Variants in TJP2 observed in about 807,000 individuals in gnomAD.
The protein encoded by TJP2 is Friedreich ataxia region gene X104 (tight junction protein ZO-2).
A neutral mutation model predicts 133.1 loss-of-function variants in TJP2; 91 were observed. The ratio of observed to expected loss-of-function variants is 0.68; its 90% CI spans 0.58 to 0.81. The LOEUF is 0.81. Among genes scored for constraint, TJP2 ranks in the 40% least tolerant of loss-of-function variants. The pLI is 0.00. For missense variants in TJP2, 1,541 were observed against 1,565.6 expected (o/e 0.98, Z 0.26); for synonymous variants, 592 against 583.4 (o/e 1.01, Z -0.21).
intron 1 of TJP2, among the ~76,000 whole-genome samples, chr9:69,141,086 G>A (rs1365342138): frequency 1.3e-5 from 2 of 152,048 alleles, no homozygotes; most frequent in African/African-American, 2.4e-5. Context: ...CCTGACCTCA[G>A]GTGATCCACC....
At chr9:69,223,006 G>A (rs547673425) in intron 5 of TJP2, among the ~76,000 whole-genome samples, 12 of 137,154 alleles carry the variant, frequency 8.7e-5, no homozygotes, top group Admixed American at 6.9e-4. Context: ...AGGGGCAGAG[G>A]TTGCAGTAGC....
intron 1 of TJP2, among the ~76,000 whole-genome samples, chr9:69,176,954 T>G (rs981385673): frequency 2.0e-5 from 3 of 151,432 alleles, no homozygotes; most frequent in African/African-American, 4.9e-5. Context: ...GGGAGAGGCA[T>G]GAAGTTTGGG....
At chr9:69,132,988 G>A (rs148472660) in intron 1 of TJP2, among the ~76,000 whole-genome samples, 1 of 151,892 alleles carries the variant, frequency 6.6e-6, no homozygotes, top group East Asian at 1.9e-4. Flanking sequence ...TTAAGATAGG[G>A]TCTCACTGTG....
intron 2 of TJP2, among the ~76,000 whole-genome samples, chr9:69,215,514 A>G (rs1230559407): frequency 2.0e-5 from 3 of 151,848 alleles, no homozygotes; most frequent in Admixed American, 1.3e-4. Context: ...CCTCCCAAGT[A>G]TCTGGGACTA....
intron 11 of TJP2, among the ~76,000 whole-genome samples, chr9:69,231,378 G>A (rs1166647253): frequency 1.3e-5 from 2 of 152,126 alleles, no homozygotes; most frequent in Non-Finnish European, 2.9e-5. Context: ...GATTACAGGC[G>A]TGAGCCACTG....
intron 1 of TJP2, among the ~76,000 whole-genome samples, chr9:69,140,147 C>A (rs971009876): frequency 6.6e-6 from 1 of 152,024 alleles, no homozygotes; most frequent in African/African-American, 2.4e-5. Flanking sequence ...ATAGGAACAC[C>A]AAACCCAGTC....
intron 11 of TJP2, among the ~76,000 whole-genome samples, chr9:69,233,511 G>A (rs890472937): frequency 3.3e-5 from 5 of 152,170 alleles, no homozygotes; most frequent in East Asian, 1.9e-4. Flanking sequence ...GGTGGCTCAC[G>A]CATGTAATCC....
In TJP2 at chr9:69,220,883, A is replaced by G. The variant is rs779815648; in HGVS notation, c.343-4A>G. 4.3e-6 allele frequency: 7 copies of G among 1,612,188 alleles called. No individual in the cohort carries two copies. The highest frequency in any genetic ancestry group is 5.9e-6 in the Non-Finnish European group (7 of 1,179,948). On this transcript the variant is annotated splice_region_variant and splice_polypyrimidine_tract_variant and intron_variant, in intron 4 of 22. Transcript: ENST00000377245. ...CGTCCACACTGAGTTTGTTTTGACA[A>G]CAGGTGGTCAAGAGGCCCCGGAAGG...
At chr9:69,144,889 C>T (rs1225106416) in intron 1 of TJP2, among the ~76,000 whole-genome samples, 3 of 151,966 alleles carry the variant, frequency 2.0e-5, no homozygotes, top group Non-Finnish European at 4.4e-5. Flanking sequence ...GTATGTGGAT[C>T]ATGTGTACCA....
chr9:69,251,988 ATTTTG>A (rs543953689), intron 21 of TJP2, among the ~76,000 whole-genome samples: 4 of 151,642 alleles, frequency 2.6e-5, no homozygotes, highest in African/African-American at 9.7e-5. Context: ...TCTTTTATTT[ATTTTG>A]TTTTGTTTTG....
chr9:69,225,177 A>G, intron 5 of TJP2, 127 bp from the exon 6 acceptor site: 6 of 668,990 alleles, frequency 9.0e-6, no homozygotes, highest in South Asian at 8.2e-5. Flanking sequence ...CAGGCCAGTC[A>G]TCTTACAGAA....
At chr9:69,188,695 A>G (rs1826014615) in intron 1 of TJP2, among the ~76,000 whole-genome samples, 1 of 152,198 alleles carries the variant, frequency 6.6e-6, no homozygotes, top group South Asian at 2.1e-4. Flanking sequence ...GTTGCCTCTA[A>G]GACACAGCCT....
intron 2 of TJP2, among the ~76,000 whole-genome samples, chr9:69,158,801 G>T (rs915173069): frequency 6.6e-6 from 1 of 152,110 alleles, no homozygotes; most frequent in African/African-American, 2.4e-5. Context: ...TTGAGATGAA[G>T]AATTTGCTTC....
intron 1 of TJP2, among the ~76,000 whole-genome samples, chr9:69,191,266 A>G (rs1826186605): frequency 6.6e-6 from 1 of 152,244 alleles, no homozygotes; most frequent in Non-Finnish European, 1.5e-5. Context: ...TAGGATGTAG[A>G]AAGGCTATAA....
At chr9:69,215,446 G>A (rs1173439285) in intron 2 of TJP2, among the ~76,000 whole-genome samples, 1 of 150,740 alleles carries the variant, frequency 6.6e-6, no homozygotes, top group Non-Finnish European at 1.5e-5. Flanking sequence ...AAGTGCAAAA[G>A]CTGCCTTGGC....
chr9:69,248,748 C>T (rs1831111869), intron 19 of TJP2: 1 of 996,184 alleles, frequency 1.0e-6, no homozygotes, highest in Admixed American at 5.6e-5. Context: ...TACTGTGCAT[C>T]CACTGTGATT....
chr9:69,191,024 G>A lies in TJP2; in HGVS notation c.60+16592G>A, dbSNP rs150389987. ...CCTGTTCTGCAATCTGGGAATAGTA[G>A]ATCAGGATGCTGACTTGTGGGAAGA... On this transcript the variant is annotated intron_variant, in intron 1 of 22. Coordinates refer to ENST00000377245, the MANE Select transcript of TJP2 (RefSeq NM_004817.4). Among the ~76,000 whole-genome samples the A allele has an allele frequency of 2.9e-3, 443 of 152,310 alleles. 2 individuals carry two copies. The highest frequency in any genetic ancestry group is 0.01 in the African/African-American group (418 of 41,574).
At chr9:69,197,828 C>T (rs575976625) in intron 1 of TJP2, among the ~76,000 whole-genome samples, 103 of 152,270 alleles carry the variant, frequency 6.8e-4, no homozygotes, top group African/African-American at 2.2e-3. Context: ...GTGTGTGTGA[C>T]GGCCTCCAGA....
At chr9:69,253,430 A>G (rs1249939258) in intron 22 of TJP2, 6 of 155,620 alleles carry the variant, frequency 3.9e-5, no homozygotes, top group African/African-American at 1.4e-4. Context: ...GAGAATAGAA[A>G]AAAAAAAGTC....
Sources: gnomAD v4.1 joint callset for allele counts (sites outside exome capture counted in the v4.1 genomes callset) on GRCh38, gnomAD v4.1.1 for gene constraint, MANE v1.5 for transcripts, NCBI Gene and HGNC (gene_info 2026-07-23, HGNC 2026-07-21) for gene names.